MAST4: variants seen among roughly 807,000 people sequenced by gnomAD.
The protein encoded by MAST4 is microtubule associated serine/threonine kinase family member 4, also known as microtubule-associated serine/threonine-protein kinase 4.
MAST4 carries 89 observed loss-of-function variants against 162.7 expected under a neutral mutation model. That is an observed-to-expected ratio of 0.55 (90% CI 0.46 to 0.65). The LOEUF (loss-of-function observed/expected upper bound fraction) is 0.65, where lower values mean the gene tolerates loss of function less well. MAST4 is among the 30% of genes least tolerant of loss of function. The probability of loss-of-function intolerance (pLI) is 0.00; values close to 1 mark genes in which losing one functional copy is unlikely to be tolerated. For synonymous variants in MAST4, 1,479 were observed against 1,361.1 expected, an observed-to-expected ratio of 1.09 and a Z score of -1.91; for missense variants, 3,153 against 3,374.0, an observed-to-expected ratio of 0.93 and a Z score of 1.62.
At chr5:66,749,084 G>T (rs1390401946) in intron 1 of MAST4, among the ~76,000 whole-genome samples, 1 of 152,106 alleles carries the variant, frequency 6.6e-6, no homozygotes, top group Non-Finnish European at 1.5e-5. Context: ...TAGAGCTGCT[G>T]CAGGTTGTAG....
chr5:66,765,108 A>G (rs571410938), intron 2 of MAST4, among the ~76,000 whole-genome samples: 1 of 152,332 alleles, frequency 6.6e-6, no homozygotes, highest in African/African-American at 2.4e-5. Flanking sequence ...GCCTAGGAGT[A>G]ATAGGCTATA....
At chr5:66,639,770 T>C (rs1225752095) in intron 1 of MAST4, among the ~76,000 whole-genome samples, 1 of 152,192 alleles carries the variant, frequency 6.6e-6, no homozygotes, top group Non-Finnish European at 1.5e-5. Flanking sequence ...AAGAACCTTG[T>C]AATCTTGAAT....
chr5:67,153,702 C>A, intron 26 of MAST4, 122 bp downstream of exon 26: 1 of 974,514 alleles, frequency 1.0e-6, no homozygotes, highest in Non-Finnish European at 1.4e-6. Context: ...ATTCATTAGT[C>A]TCAAGTTTAA....
intron 3 of MAST4, among the ~76,000 whole-genome samples, chr5:66,807,598 T>C (rs565151830): frequency 9.2e-5 from 14 of 152,250 alleles, no homozygotes; most frequent in Non-Finnish European, 1.8e-4. Context: ...TCTATTTTTA[T>C]GTGTATCCAT....
intron 2 of MAST4, among the ~76,000 whole-genome samples, chr5:66,772,444 T>C (rs1485328666): frequency 6.6e-6 from 1 of 152,208 alleles, no homozygotes; most frequent in Non-Finnish European, 1.5e-5. Context: ...CAGTGACATC[T>C]TATTTCATAC....
chr5:66,843,130 TTTATA>T (rs1758544944), intron 3 of MAST4, among the ~76,000 whole-genome samples: 1 of 152,144 alleles, frequency 6.6e-6, no homozygotes, highest in South Asian at 2.1e-4. Context: ...CAAAACCTCT[TTTATA>T]TTGTTGTGCC....
intron 4 of MAST4, among the ~76,000 whole-genome samples, chr5:66,958,023 T>C (rs1457922580): frequency 6.6e-6 from 1 of 152,084 alleles, no homozygotes; most frequent in African/African-American, 2.4e-5. Flanking sequence ...TTTCTTCATC[T>C]GTAAAAAGAC....
chr5:66,767,438 A>G (rs769681865), intron 2 of MAST4, among the ~76,000 whole-genome samples: 51 of 152,144 alleles, frequency 3.4e-4, no homozygotes, highest in Admixed American at 1.2e-3. Flanking sequence ...GAAGGAGAGA[A>G]GCATCTTCAG....
intron 3 of MAST4, among the ~76,000 whole-genome samples, chr5:66,881,386 C>A (rs1761683641): frequency 6.6e-6 from 1 of 152,068 alleles, no homozygotes; most frequent in Non-Finnish European, 1.5e-5. Context: ...TATGTTAAGT[C>A]CACTTGAATA....
chr5:66,836,000 T>C (rs1757941268), intron 3 of MAST4, among the ~76,000 whole-genome samples: 1 of 151,936 alleles, frequency 6.6e-6, no homozygotes, highest in Non-Finnish European at 1.5e-5. Context: ...TGAAAACTTG[T>C]CTCTATAAAA....
At chr5:67,157,668 G>A (rs1285097498) in intron 26 of MAST4, among the ~76,000 whole-genome samples, 6 of 152,154 alleles carry the variant, frequency 3.9e-5, no homozygotes, top group African/African-American at 1.2e-4. Flanking sequence ...CACAGGGAGC[G>A]GGGTTTGGTA....
intron 1 of MAST4, among the ~76,000 whole-genome samples, chr5:66,655,853 C>CA: frequency 6.6e-6 from 1 of 152,132 alleles, no homozygotes; most frequent in Non-Finnish European, 1.5e-5. Context: ...GTTGTGAGGG[C>CA]ACAAAATGGC....
intron 3 of MAST4, among the ~76,000 whole-genome samples, chr5:66,873,357 C>T (rs754902264): frequency 1.3e-5 from 2 of 152,170 alleles, no homozygotes; most frequent in African/African-American, 4.8e-5. Flanking sequence ...TCTTTATAAG[C>T]ACACTTTGCT....
chr5:66,918,119 A>G (rs1764239366), intron 4 of MAST4, among the ~76,000 whole-genome samples: 1 of 152,180 alleles, frequency 6.6e-6, no homozygotes, highest in Non-Finnish European at 1.5e-5. Flanking sequence ...TGATAATTGT[A>G]CAATCATGCC....
At position 67,114,141 on chromosome 5, in the gene MAST4, A is replaced by G. The variant is rs1329373581; in HGVS notation, c.1513A>G (p.Lys505Glu). 1.2e-6 allele frequency: 2 copies of G among 1,613,442 alleles called. No individual in the cohort carries two copies. The highest frequency in any genetic ancestry group is 1.7e-6 in the Non-Finnish European group (2 of 1,179,782). ...ATTGGAAGCAGCAGAAGGCCATGCC[A>G]AAGAAGGACAGGGTATTAAAACCGA... The part of the protein sequence containing the change: ...YLLEAAEGHA[K>E]EGQGIKTDIP... The change falls in exon 12 of 29, where the codon AAA (lysine) becomes GAA (glutamate). Residue 505 changes from lysine (K) to glutamate (E), a missense_variant. By Grantham distance (56) the Lys-to-Glu change is moderately conservative (BLOSUM62 1). Coordinates refer to ENST00000403625, the MANE Select transcript of MAST4 (RefSeq NM_001164664.2).
intron 4 of MAST4, among the ~76,000 whole-genome samples, chr5:66,907,158 CGAGA>C (rs34963439): frequency 0.11 from 11,779 of 103,698 alleles, 622 homozygotes; most frequent in East Asian, 0.22. Flanking sequence ...CTCAGCAAAG[CGAGA>C]GAGAGAGAGA....
intron 19 of MAST4, among the ~76,000 whole-genome samples, chr5:67,140,944 T>C (rs1770317886): frequency 6.6e-6 from 1 of 152,230 alleles, no homozygotes; most frequent in Non-Finnish European, 1.5e-5. Flanking sequence ...TTCCTCACTT[T>C]GCTGTTTTCA....
At chr5:67,012,558 G>T (rs1752820276) in intron 4 of MAST4, among the ~76,000 whole-genome samples, 1 of 152,092 alleles carries the variant, frequency 6.6e-6, no homozygotes, top group Non-Finnish European at 1.5e-5. Context: ...AAATGGTCCT[G>T]GGGCTACCTA....
chr5:66,716,855 C>T (rs576096056), intron 1 of MAST4, among the ~76,000 whole-genome samples: 15 of 152,254 alleles, frequency 9.9e-5, no homozygotes, highest in African/African-American at 2.9e-4. Context: ...ACTGATGTCA[C>T]CTTTATCATT....
Sources: gnomAD v4.1 joint callset for allele counts (sites outside exome capture counted in the v4.1 genomes callset) on GRCh38, gnomAD v4.1.1 for gene constraint, MANE v1.5 for transcripts, NCBI Gene and HGNC (gene_info 2026-07-23, HGNC 2026-07-21) for gene names.